XRN1: variants seen among roughly 807,000 people sequenced by gnomAD.
The protein encoded by XRN1 is strand-exchange protein 1 homolog.
Under a neutral mutation model 222.3 loss-of-function variants are expected in XRN1, and 67 were observed. That is an observed-to-expected ratio of 0.30 (90% CI 0.25 to 0.37). XRN1 has a LOEUF of 0.37. XRN1 is among the 10% of genes least tolerant of loss of function. The pLI, the probability that XRN1 is intolerant of heterozygous loss-of-function variation, is 1.00. For missense variants in XRN1, 1,707 were observed against 2,000.2 expected (o/e 0.85, Z 2.80); for synonymous variants, 643 against 652.4 (o/e 0.99, Z 0.22).
rs755571720 is a variant in XRN1 at position 142,425,281 on chromosome 3, C to T, written c.568G>A (p.Ala190Thr). 1 of 1,608,126 alleles carries T rather than the reference C, an allele frequency of 6.2e-7. No homozygotes were observed. The highest frequency in any genetic ancestry group is 1.1e-5 in the South Asian group (1 of 89,446). The change falls in exon 5 of 41, where the codon GCA becomes ACA. Residue 190 changes from alanine (A) to threonine (T), a missense_variant. By Grantham distance (58) the Ala-to-Thr change is moderately conservative. Around this residue, in one of 2 missense-constraint regions of XRN1, gnomAD observed 1,234 missense variants for 1,518.2 expected, o/e 0.81. Coordinates refer to ENST00000392981, the MANE Select transcript of XRN1 (RefSeq NM_001282857.2). ...KIMEFIRSEK[A>T]KPDHDPNTRH... Reference sequence around the variant, plus strand: ...GTGTTTGGATCATGATCTGGCTTTGCTTTCTCGGATCTGATAAATTCCATG... The same window carrying T: ...GTGTTTGGATCATGATCTGGCTTTGTTTTCTCGGATCTGATAAATTCCATG...
At chr3:142,360,621 T>C (rs2066591350) in intron 29 of XRN1, among the ~76,000 whole-genome samples, 1 of 151,774 alleles carries the variant, frequency 6.6e-6, no homozygotes, top group South Asian at 2.1e-4. Context: ...TCCCAGCACT[T>C]TGGGAGGCCG....
chr3:142,311,522 G>A lies in XRN1; in HGVS notation c.5074C>T (p.Pro1692Ser). ...KLAVNFGVSK[P>S]SE Reference sequence around the variant, plus strand: ...TCTAAGAGCCAAATTTACTCAGAAGGTTTAGAAACACCAAAATTAACAGCC... The same window carrying A: ...TCTAAGAGCCAAATTTACTCAGAAGATTTAGAAACACCAAAATTAACAGCC... The change falls in exon 41 of 41, where the codon CCT (proline) becomes TCT (serine). Residue 1692 changes from proline to serine, a missense_variant. Pro to Ser is a moderately conservative substitution (Grantham distance 74, BLOSUM62 -1). This residue lies in a region of XRN1 where 473 missense variants were observed against 482.0 expected (regional missense o/e 0.98). Transcript: ENST00000392981. The A allele has an allele frequency of 6.2e-7, 1 of 1,606,078 alleles. No individual in the cohort carries two copies.
chr3:142,421,187 A>G, intron 9 of XRN1, 34 bp from the exon 10 acceptor site: 1 of 1,487,166 alleles, frequency 6.7e-7, no homozygotes, highest in Non-Finnish European at 9.0e-7. Context: ...TTTTTAAATA[A>G]TTTAAGTATA....
Position 142,379,742 on chromosome 3 carries a change from A to C in XRN1, c.2715+340T>G, listed in dbSNP as rs147268517. ...AAGGCCATTTGTCACTTGCAACTAA[A>C]AATGCAGGCTCTGAATTATTATGAA... On this transcript the variant is annotated intron_variant, in intron 23 of 40. Transcript: ENST00000392981. Among the ~76,000 whole-genome samples the C allele has an allele frequency of 1.7e-4, 26 of 152,358 alleles. No homozygotes were observed. In the East Asian group the frequency reaches 5.0e-3, roughly 29 times the overall value.
intron 18 of XRN1, among the ~76,000 whole-genome samples, chr3:142,401,569 T>A (rs1406312026): frequency 6.6e-6 from 1 of 151,354 alleles, no homozygotes; most frequent in Non-Finnish European, 1.5e-5. Context: ...AAAAAAAAAA[T>A]TGGCCAAGCG....
intron 14 of XRN1, among the ~76,000 whole-genome samples, chr3:142,413,579 C>T (rs2068672110): frequency 6.6e-6 from 1 of 152,204 alleles, no homozygotes. Context: ...ACTTCAGAAT[C>T]ACCTTAGTAG....
chr3:142,393,968 A>T (rs1034047018), intron 20 of XRN1, among the ~76,000 whole-genome samples: 57 of 152,222 alleles, frequency 3.7e-4, no homozygotes, highest in Middle Eastern at 6.8e-3. Flanking sequence ...TTGGGACTAC[A>T]GGCAGGCGCT....
chr3:142,370,429 T>C, intron 27 of XRN1, 56 bp downstream of exon 27: 3 of 1,545,992 alleles, frequency 1.9e-6, no homozygotes, highest in Non-Finnish European at 2.6e-6. Flanking sequence ...ATTTGTAAAG[T>C]ATAGTCCATT....
intron 2 of XRN1, among the ~76,000 whole-genome samples, chr3:142,427,539 T>C (rs2069311757): frequency 6.6e-6 from 1 of 152,206 alleles, no homozygotes; most frequent in South Asian, 2.1e-4. Flanking sequence ...CATCATTTAA[T>C]GTATACATTT....
intron 1 of XRN1, among the ~76,000 whole-genome samples, chr3:142,437,142 G>A (rs1160156825): frequency 6.6e-6 from 1 of 152,212 alleles, no homozygotes; most frequent in Non-Finnish European, 1.5e-5. Flanking sequence ...CATACAAAGA[G>A]ATTACTGATA....
rs142422948 is a variant in XRN1 at position 142,380,152 on chromosome 3, T to C, written c.2645A>G (p.Glu882Gly). The C allele has an allele frequency of 2.5e-6, 4 of 1,613,790 alleles. No individual in the cohort carries two copies. The African/African-American group carries it at 4.0e-5, about 16-fold the overall frequency. Residue 882 changes from glutamate to glycine, a missense_variant, in exon 23 of 41, where the codon GAA becomes GGA. By Grantham distance (98) the Glu-to-Gly change is moderately conservative. This residue lies in a region of XRN1 where 1,234 missense variants were observed against 1,518.2 expected (regional missense o/e 0.81). Transcript: ENST00000392981. Reference protein sequence around the residue: ...EVQDSGDVITEGRIRVIFSIP... With the variant: ...EVQDSGDVITGGRIRVIFSIP... ...GCTGAAAATCACACGAATCCTACCTTCTGTAATCACATCACCTGAATCCTG... is the reference window on the plus strand; with the variant it reads ...GCTGAAAATCACACGAATCCTACCTCCTGTAATCACATCACCTGAATCCTG...
chr3:142,334,756 ATGTC>A (rs2065802703), intron 34 of XRN1, among the ~76,000 whole-genome samples: 1 of 136,936 alleles, frequency 7.3e-6, no homozygotes, highest in Admixed American at 7.5e-5. Flanking sequence ...GTGTATATAT[ATGTC>A]TATGTATACA....
chr3:142,408,753 CTTTAT>C (rs1390876344), intron 15 of XRN1, among the ~76,000 whole-genome samples: 1 of 152,144 alleles, frequency 6.6e-6, no homozygotes, highest in African/African-American at 2.4e-5. Flanking sequence ...GTATAATTTA[CTTTAT>C]AAGAAACTGC....
intron 18 of XRN1, among the ~76,000 whole-genome samples, chr3:142,401,324 A>G (rs945885174): frequency 6.6e-6 from 1 of 152,228 alleles, no homozygotes; most frequent in African/African-American, 2.4e-5. Context: ...AATGTTGAGG[A>G]TAAAAGAAAA....
At chr3:142,434,862 C>T (rs1297771199) in intron 1 of XRN1, among the ~76,000 whole-genome samples, 1 of 151,996 alleles carries the variant, frequency 6.6e-6, no homozygotes, top group African/African-American at 2.4e-5. Flanking sequence ...AATAAAACTC[C>T]ATCTTACGCT....
At chr3:142,315,037 T>C (rs1560279042) in intron 39 of XRN1, among the ~76,000 whole-genome samples, 1 of 139,104 alleles carries the variant, frequency 7.2e-6, no homozygotes, top group East Asian at 2.5e-4. Flanking sequence ...CAGGCTCAAC[T>C]GATCCTCCTG....
At chr3:142,343,558 C>T (rs1408154255) in intron 33 of XRN1, among the ~76,000 whole-genome samples, 1 of 152,006 alleles carries the variant, frequency 6.6e-6, no homozygotes, top group Non-Finnish European at 1.5e-5. Context: ...GATAAAATGG[C>T]TTTTATCCAA....
At chr3:142,338,302 G>T (rs1320090313) in intron 33 of XRN1, among the ~76,000 whole-genome samples, 1 of 152,158 alleles carries the variant, frequency 6.6e-6, no homozygotes, top group African/African-American at 2.4e-5. Context: ...AGAGTCATGA[G>T]ACCCCATTTC....
chr3:142,361,171 A>G (rs898962068), intron 29 of XRN1, among the ~76,000 whole-genome samples: 1 of 152,186 alleles, frequency 6.6e-6, no homozygotes, highest in African/African-American at 2.4e-5. Context: ...GGCTTCTTCG[A>G]GCATAATTAT....
Sources: allele counts gnomAD v4.1 joint callset (sites outside exome capture counted in the v4.1 genomes callset), GRCh38; gene constraint gnomAD v4.1.1; regional missense constraint gnomAD v4.1.1; transcripts MANE v1.5; gene names NCBI Gene and HGNC (gene_info 2026-07-23, HGNC 2026-07-21).